The following PARP8 variants were observed in gnomAD, a reference collection of about 807,000 sequenced individuals.
PARP8 encodes protein mono-ADP-ribosyltransferase PARP8.
PARP8 carries 51 observed loss-of-function variants against 124.1 expected under a neutral mutation model. The observed-to-expected ratio is 0.41, with a 90% confidence interval of 0.33 to 0.52. PARP8 has a LOEUF of 0.52. Among genes scored for constraint, PARP8 ranks in the 20% least tolerant of loss-of-function variants. The pLI, the probability that PARP8 is intolerant of heterozygous loss-of-function variation, is 0.21. For missense variants in PARP8, 860 were observed against 1,018.9 expected, an observed-to-expected ratio of 0.84 and a Z score of 2.12; for synonymous variants, 391 against 361.5, an observed-to-expected ratio of 1.08 and a Z score of -0.93.
intron 2 of PARP8, chr5:50,668,587 A>G (rs1428076321): frequency 6.5e-6 from 1 of 154,338 alleles, no homozygotes; most frequent in Admixed American, 6.4e-5. Context: ...AATTCTCTGT[A>G]CATTTTTTTT....
At chr5:50,750,751 C>A (rs763001674) in intron 3 of PARP8, among the ~76,000 whole-genome samples, 11 of 152,004 alleles carry the variant, frequency 7.2e-5, no homozygotes, top group Non-Finnish European at 1.6e-4. Context: ...AACTTCCTTA[C>A]AATTATTTTG....
intron 2 of PARP8, among the ~76,000 whole-genome samples, chr5:50,708,363 C>T (rs1051483993): frequency 2.0e-5 from 3 of 151,992 alleles, no homozygotes; most frequent in Admixed American, 6.6e-5. Context: ...TGAAACATAG[C>T]ACTCTTTGTA....
At chr5:50,787,810 G>A (rs548293879) in intron 9 of PARP8, among the ~76,000 whole-genome samples, 3 of 150,594 alleles carry the variant, frequency 2.0e-5, no homozygotes, top group South Asian at 2.1e-4. Context: ...TTTAGTTACC[G>A]ATTTAAACAT....
At chr5:50,765,194 G>A (rs1760939219) in intron 7 of PARP8, among the ~76,000 whole-genome samples, 3 of 151,894 alleles carry the variant, frequency 2.0e-5, no homozygotes, top group South Asian at 4.2e-4. Context: ...CTCAGGGGGC[G>A]GAGGTTGCAG....
At chr5:50,732,765 C>T (rs1457052824) in intron 2 of PARP8, among the ~76,000 whole-genome samples, 1 of 151,680 alleles carries the variant, frequency 6.6e-6, no homozygotes, top group Non-Finnish European at 1.5e-5. Flanking sequence ...ACTACAGGCA[C>T]CCACCACCAC....
intron 7 of PARP8, among the ~76,000 whole-genome samples, chr5:50,776,248 A>T (rs1477340730): frequency 1.3e-5 from 2 of 152,198 alleles, no homozygotes; most frequent in Non-Finnish European, 2.9e-5. Context: ...CTTGCTCATC[A>T]TGGTGTATGA....
chr5:50,803,677 C>G (rs112496503), intron 14 of PARP8, among the ~76,000 whole-genome samples: 1 of 151,920 alleles, frequency 6.6e-6, no homozygotes, highest in Non-Finnish European at 1.5e-5. Context: ...TAAATTGATA[C>G]TCTCTGTTGA....
At chr5:50,803,017 G>T (rs1220155934) in intron 14 of PARP8, among the ~76,000 whole-genome samples, 2 of 152,028 alleles carry the variant, frequency 1.3e-5, no homozygotes, top group African/African-American at 4.8e-5. Flanking sequence ...AACTCTGTTG[G>T]TTTTTACCTG....
Position 50,795,152 on chromosome 5 carries a change from C to A in PARP8, c.1163C>A (p.Ser388Tyr). The A allele has an allele frequency of 6.2e-7, 1 of 1,614,208 alleles. No homozygotes were observed. Among genetic ancestry groups the A allele is most frequent in the Non-Finnish European group, 8.5e-7 (1 of 1,180,042 alleles). ...AAGTCGCATAGACTATTGACTCGAT[C>A]TTGTTCTGGAGATCCACGATGTGAG... The part of the protein sequence containing the change: ...TLKSHRLLTR[S>Y]CSGDPRCEHN... Residue 388 changes from serine to tyrosine, a missense_variant, in exon 12 of 26, where the codon TCT becomes TAT. Physicochemically the swap from Ser to Tyr is moderately radical, Grantham distance 144. Transcript: ENST00000281631.
intron 2 of PARP8, among the ~76,000 whole-genome samples, chr5:50,678,591 T>A (rs564809520): frequency 1.3e-5 from 2 of 152,272 alleles, no homozygotes; most frequent in East Asian, 3.9e-4. Flanking sequence ...AGATTAGAGA[T>A]CTATGTTTGC....
intron 2 of PARP8, among the ~76,000 whole-genome samples, chr5:50,744,317 T>C (rs1257316697): frequency 6.6e-6 from 1 of 152,184 alleles, no homozygotes; most frequent in African/African-American, 2.4e-5. Flanking sequence ...AGGATGGTAA[T>C]GGAGTGATTG....
intron 2 of PARP8, among the ~76,000 whole-genome samples, chr5:50,747,163 G>GTTTTTTTTTTTTTTTTTTTT (rs1211253892): frequency 4.2e-5 from 4 of 95,504 alleles, no homozygotes; most frequent in Admixed American, 1.1e-4. Flanking sequence ...TGTTTGTTTT[G>GTTTTTTTTTTTTTTTTTTTT]TTTTTTTTTT....
intron 9 of PARP8, among the ~76,000 whole-genome samples, chr5:50,781,819 A>G (rs1052325737): frequency 1.3e-5 from 2 of 152,186 alleles, no homozygotes; most frequent in African/African-American, 4.8e-5. Flanking sequence ...GTTGTAATGC[A>G]TGCTCCAGTT....
chr5:50,807,218 G>A (rs902886876), intron 14 of PARP8, among the ~76,000 whole-genome samples: 10 of 151,720 alleles, frequency 6.6e-5, no homozygotes, highest in African/African-American at 1.5e-4. Flanking sequence ...TTAGCATGTC[G>A]CACTCTCTGC....
Position 50,666,865 on chromosome 5 carries a change from G to A in PARP8, c.-231G>A. ...TGGAATCCAGCAGCGGCGAGCAGCA[G>A]CTGGGCGGTCACATCTGGGAATGCA... is the stretch of plus-strand genomic sequence containing the variant. On this transcript the variant is annotated 5_prime_UTR_variant, in exon 1 of 26. Coordinates refer to ENST00000281631, the MANE Select transcript of PARP8 (RefSeq NM_024615.4). 7.2e-7 allele frequency: 1 copy of A among 1,385,432 alleles called. No individual in the cohort carries two copies. Among genetic ancestry groups the A allele is most frequent in the Non-Finnish European group, 9.3e-7 (1 of 1,070,520 alleles). The allele number at this position is 1,385,432 out of a possible 1,614,324, so 85.8% of individuals were successfully genotyped here.
intron 2 of PARP8, among the ~76,000 whole-genome samples, chr5:50,736,511 A>G (rs1580146860): frequency 6.6e-6 from 1 of 152,316 alleles, no homozygotes; most frequent in South Asian, 2.1e-4. Flanking sequence ...TTAATCTGAA[A>G]TAAGGAGACA....
rs70972943 is a variant in PARP8, at chr5:50,747,761, C to CTTTTTTTTTTTTTTT, written c.147-2375_147-2361dup. Among the ~76,000 whole-genome samples, 3 of 52,898 alleles carry CTTTTTTTTTTTTTTT rather than the reference C, an allele frequency of 5.7e-5. 1 individual carries two copies. Among genetic ancestry groups the CTTTTTTTTTTTTTTT allele is most frequent in the African/African-American group, 1.6e-4 (3 of 19,192 alleles). The allele number at this position is 52,898 out of a possible 152,430, so 34.7% of individuals were successfully genotyped here. A position where few individuals can be genotyped will look rare whatever the true frequency, so the allele number is the denominator to read the frequency against. ...TCTCTCAAAGATAGGATAGACCTTG[C>CTTTTTTTTTTTTTTT]TTTTTTTTTTTTTTTTTTTTTTTTT... On this transcript the variant is annotated intron_variant, in intron 2 of 25. Coordinates refer to ENST00000281631, the MANE Select transcript of PARP8 (RefSeq NM_024615.4).
intron 18 of PARP8, 80 bp from the exon 19 acceptor site, chr5:50,826,675 T>C: frequency 6.7e-7 from 1 of 1,488,100 alleles, no homozygotes; most frequent in Non-Finnish European, 8.9e-7. Flanking sequence ...AAAATAAGTT[T>C]TAATCGGTTG....
chr5:50,749,692 GA>G (rs907314018), intron 2 of PARP8, among the ~76,000 whole-genome samples: 52 of 151,830 alleles, frequency 3.4e-4, no homozygotes, highest in African/African-American at 1.2e-3. Context: ...AATTCTTTTA[GA>G]AAAAAACCAA....
Sources: allele counts gnomAD v4.1 joint callset (sites outside exome capture counted in the v4.1 genomes callset), GRCh38; gene constraint gnomAD v4.1.1; transcripts MANE v1.5; gene names NCBI Gene and HGNC (gene_info 2026-07-23, HGNC 2026-07-21).